RPS6KA6: variants seen among roughly 807,000 people sequenced by gnomAD.
The protein encoded by RPS6KA6 is ribosomal protein S6 kinase alpha-6.
A neutral mutation model predicts 65.4 loss-of-function variants in RPS6KA6; 27 were observed. The ratio of observed to expected loss-of-function variants is 0.41; its 90% CI spans 0.30 to 0.57. RPS6KA6 has a LOEUF of 0.57. Ranked by LOEUF, RPS6KA6 falls within the 20% of genes least tolerant of loss-of-function variation. The pLI is 0.24. For missense variants in RPS6KA6, 486 were observed against 555.6 expected (o/e 0.87, Z 1.26); for synonymous variants, 190 against 184.2 (o/e 1.03, Z -0.26).
intron 8 of RPS6KA6, among the ~76,000 whole-genome samples, chrX:84,127,579 C>G (rs182703106): frequency 1.9e-4 from 21 of 110,929 alleles, no homozygotes; most frequent in Admixed American, 1.6e-3. Context: ...AAGATACTAG[C>G]AAATTGAATT....
intron 1 of RPS6KA6, among the ~76,000 whole-genome samples, chrX:84,178,658 T>C (rs1363346804): frequency 9.0e-6 from 1 of 111,440 alleles, no homozygotes; most frequent in Non-Finnish European, 1.9e-5. Flanking sequence ...TTTGATATAG[T>C]ACAAAGGCAA....
chrX:84,099,300 T>A, intron 18 of RPS6KA6, among the ~76,000 whole-genome samples: 1 of 111,311 alleles, frequency 9.0e-6, no homozygotes, highest in East Asian at 2.8e-4. Context: ...CTAGAGCTAG[T>A]CTCAATGCCC....
At chrX:84,075,871 TATAA>T (rs954920512) in intron 20 of RPS6KA6, among the ~76,000 whole-genome samples, 2 of 112,084 alleles carry the variant, frequency 1.8e-5, no homozygotes, top group East Asian at 2.8e-4. Context: ...AGAAGAAAAT[TATAA>T]ATGTTTATTC....
chrX:84,072,024 C>T (rs1369099703), intron 20 of RPS6KA6, among the ~76,000 whole-genome samples: 1 of 111,590 alleles, frequency 9.0e-6, no homozygotes, highest in Non-Finnish European at 1.9e-5. Flanking sequence ...CCTTTTCAAA[C>T]AATTCCAAAG....
chrX:84,059,085 G>T lies in RPS6KA6; in HGVS notation c.*5192C>A, dbSNP rs1221330560. 1 of 69,949 alleles carries T rather than the reference G, an allele frequency of 1.4e-5. No homozygotes were observed. The highest frequency in any genetic ancestry group is 2.7e-5 in the Non-Finnish European group (1 of 36,405). The allele number at this position is 69,949 out of a possible 1,213,427, so 5.8% of individuals were successfully genotyped here. A position where few individuals can be genotyped will look rare whatever the true frequency, so the allele number is the denominator to read the frequency against. On this transcript the variant is annotated 3_prime_UTR_variant, in exon 22 of 22. Coordinates refer to ENST00000262752, the MANE Select transcript of RPS6KA6 (RefSeq NM_014496.5). ...GGAATTTGGATATTTAAGGTTTAAT[G>T]TGTAACTTTTTAAATGGCTGTTTCT...
chrX:84,102,030 G>A lies in RPS6KA6; in HGVS notation c.1776+7C>T, dbSNP rs2034268256. The stretch of plus-strand genomic sequence containing the variant: ...GAAAGGCAAATGGTGAAGTTTTTAA[G>A]GAATACCTCAGGTGCAACAAAGTTT... On this transcript the variant is annotated splice_region_variant and intron_variant, in intron 18 of 21. Transcript: ENST00000262752. 1 of 1,155,897 alleles carries A rather than the reference G, an allele frequency of 8.7e-7. No individual in the cohort carries two copies. Among genetic ancestry groups the A allele is most frequent in the Non-Finnish European group, 1.2e-6 (1 of 866,962 alleles).
chrX:84,072,932 A>T (rs1017829044), intron 20 of RPS6KA6, among the ~76,000 whole-genome samples: 3 of 111,906 alleles, frequency 2.7e-5, no homozygotes, highest in Non-Finnish European at 5.6e-5. Flanking sequence ...ATGAATAGCA[A>T]TAATTAATAT....
At chrX:84,113,082 C>T (rs1017251080) in intron 12 of RPS6KA6, among the ~76,000 whole-genome samples, 5 of 111,247 alleles carry the variant, frequency 4.5e-5, no homozygotes, top group African/African-American at 1.6e-4. Flanking sequence ...TGGATAAATT[C>T]CTGGAAACAT....
intron 6 of RPS6KA6, among the ~76,000 whole-genome samples, chrX:84,136,236 A>G (rs943243026): frequency 1.8e-5 from 2 of 111,290 alleles, no homozygotes; most frequent in Admixed American, 1.9e-4. Context: ...AAAATGGGTT[A>G]TTTTCATAAA....
intron 20 of RPS6KA6, among the ~76,000 whole-genome samples, chrX:84,069,114 T>C (rs891171585): frequency 1.8e-5 from 2 of 112,191 alleles, no homozygotes; most frequent in African/African-American, 6.5e-5. Context: ...AAAACAATCA[T>C]AAGCATAAAG....
chrX:84,116,923 G>T, intron 11 of RPS6KA6, 137 bp downstream of exon 11: 1 of 402,692 alleles, frequency 2.5e-6, no homozygotes, highest in Non-Finnish European at 4.3e-6. Flanking sequence ...AGTTTACTTT[G>T]TCTGAAATGC....
rs368620219 is a variant in RPS6KA6 at position 84,133,282 on chromosome X, A to C, written c.646+1500T>G. Among the ~76,000 whole-genome samples the C allele has an allele frequency of 2.2e-4, 25 of 112,331 alleles. No homozygotes were observed. In the South Asian group the frequency reaches 7.0e-3, roughly 31 times the overall value. On this transcript the variant is annotated intron_variant, in intron 8 of 21. Transcript: ENST00000262752. ...TCGGGGTAAATCCATAAATGTAGTC[A>C]TTATAAAACCTTGAATTAAGGTTAT...
At chrX:84,068,201 TACA>T (rs1328494103) in intron 20 of RPS6KA6, among the ~76,000 whole-genome samples, 1 of 111,202 alleles carries the variant, frequency 9.0e-6, no homozygotes. Context: ...ATGAGGAAAC[TACA>T]ACAACTAATG....
At chrX:84,067,056 A>G (rs1317550881) in intron 20 of RPS6KA6, among the ~76,000 whole-genome samples, 2 of 112,069 alleles carry the variant, frequency 1.8e-5, no homozygotes, top group Non-Finnish European at 3.8e-5. Context: ...AGAAAAACTA[A>G]CACACAGAAA....
chrX:84,070,042 C>A (rs2033502516), intron 20 of RPS6KA6, among the ~76,000 whole-genome samples: 1 of 111,927 alleles, frequency 8.9e-6, no homozygotes, highest in African/African-American at 3.3e-5. Flanking sequence ...CCATTTGACC[C>A]AGCAATCCCA....
intron 3 of RPS6KA6, among the ~76,000 whole-genome samples, chrX:84,155,831 A>G (rs1390873409): frequency 8.9e-6 from 1 of 112,465 alleles, no homozygotes; most frequent in East Asian, 2.8e-4. Flanking sequence ...AGAGTATGCT[A>G]TATTTTTCCC....
chrX:84,134,833 T>C lies in RPS6KA6; in HGVS notation c.609-14A>G. On this transcript the variant is annotated splice_polypyrimidine_tract_variant and intron_variant, in intron 7 of 21. Transcript: ENST00000262752. Reference sequence around the variant, plus strand: ...TCAAGCAAAATGCTGTAAATCAAAATTCACATTCAACAAGATGGAATAAAA... The same window carrying C: ...TCAAGCAAAATGCTGTAAATCAAAACTCACATTCAACAAGATGGAATAAAA... 9.2e-7 allele frequency: 1 copy of C among 1,092,505 alleles called. No homozygotes were observed. The highest frequency in any genetic ancestry group is 1.2e-6 in the Non-Finnish European group (1 of 809,905). The allele number at this position is 1,092,505 out of a possible 1,213,427, so 90.0% of individuals were successfully genotyped here.
intron 2 of RPS6KA6, among the ~76,000 whole-genome samples, chrX:84,164,096 C>T (rs1299759597): frequency 8.9e-6 from 1 of 111,931 alleles, no homozygotes; most frequent in African/African-American, 3.2e-5. Flanking sequence ...AATTCAATAG[C>T]ATGTAAATTA....
chrX:84,073,606 A>G (rs2033595157), intron 20 of RPS6KA6, among the ~76,000 whole-genome samples: 2 of 111,986 alleles, frequency 1.8e-5, no homozygotes, highest in African/African-American at 3.2e-5. Flanking sequence ...AGAATAGTAG[A>G]AAATATTTGC....
Sources: allele counts gnomAD v4.1 joint callset (sites outside exome capture counted in the v4.1 genomes callset), GRCh38; gene constraint gnomAD v4.1.1; transcripts MANE v1.5; gene names NCBI Gene and HGNC (gene_info 2026-07-23, HGNC 2026-07-21).